The following KCNQ2 variants were observed in gnomAD, a reference collection of about 807,000 sequenced individuals.
The protein encoded by KCNQ2 is potassium voltage-gated channel subfamily KQT member 2.
In KCNQ2, 14 loss-of-function variants were observed where a neutral mutation model predicts 84.8. The ratio of observed to expected loss-of-function variants is 0.17; its 90% CI spans 0.11 to 0.26. KCNQ2 has a LOEUF of 0.26. Ranked by LOEUF, KCNQ2 falls within the 10% of genes least tolerant of loss-of-function variation. The pLI, the probability that KCNQ2 is intolerant of heterozygous loss-of-function variation, is 1.00. For missense variants in KCNQ2, 788 were observed against 1,254.0 expected (o/e 0.63, Z 5.61); for synonymous variants, 599 against 554.1 (o/e 1.08, Z -1.14).
At chr20:63,457,226 G>A (rs114937780) in intron 1 of KCNQ2, among the ~76,000 whole-genome samples, 1,555 of 152,364 alleles carry the variant, frequency 0.01, 24 homozygotes, top group African/African-American at 0.036. Context: ...GAGACCTCTC[G>A]CGTGGAGCCG....
At position 63,408,403 on chromosome 20, in the gene KCNQ2, C is replaced by A. The variant is rs1422499897; in HGVS notation, c.1887+10G>T. 33 of 1,606,852 alleles carry A rather than the reference C, an allele frequency of 2.1e-5. No individual in the cohort carries two copies. The highest frequency in any genetic ancestry group is 2.7e-5 in the African/African-American group (2 of 74,876). On this transcript the variant is annotated intron_variant, in intron 16 of 16. Coordinates refer to ENST00000359125, the MANE Select transcript of KCNQ2 (RefSeq NM_172107.4). The surrounding 1 kb of genome is among the most constrained non-coding windows in gnomAD (Gnocchi z 5.0). Reference sequence around the variant, plus strand: ...CCAGCCCCGCACCCCTCCCGCCCAGCCTCTCGCACCTGCTTCTCCACCTTC... The same window carrying A: ...CCAGCCCCGCACCCCTCCCGCCCAGACTCTCGCACCTGCTTCTCCACCTTC...
At chr20:63,465,621 T>C (rs2082060329) in intron 1 of KCNQ2, among the ~76,000 whole-genome samples, 1 of 151,388 alleles carries the variant, frequency 6.6e-6, no homozygotes, top group South Asian at 2.1e-4. Context: ...TTCCAGAGAG[T>C]TCCTCGGCGA....
At position 63,457,984 on chromosome 20, in the gene KCNQ2, C is replaced by A. The variant is rs1189303896; in HGVS notation, c.297-11147G>T. ...GGGCTCATTTGTTCTCCATTAGTCA[C>A]CTGTCCCACCCAGACCACAGGTGCT... On this transcript the variant is annotated intron_variant, in intron 1 of 16. Coordinates refer to ENST00000359125, the MANE Select transcript of KCNQ2 (RefSeq NM_172107.4). Among the ~76,000 whole-genome samples the A allele has an allele frequency of 2.6e-5, 4 of 152,150 alleles. No individual in the cohort carries two copies. The East Asian group carries it at 7.7e-4, about 29-fold the overall frequency.
chr20:63,440,400 C>T (rs1424714987), intron 5 of KCNQ2, among the ~76,000 whole-genome samples: 1 of 152,134 alleles, frequency 6.6e-6, no homozygotes, highest in African/African-American at 2.4e-5. Flanking sequence ...GTGCCGGGGC[C>T]GAGGAAGGCA....
chr20:63,424,440 G>A, intron 10 of KCNQ2: 1 of 589,032 alleles, frequency 1.7e-6, no homozygotes, highest in Non-Finnish European at 3.0e-6. Context: ...GACTCCATGG[G>A]GCGGGGGCCT....
At chr20:63,442,026 G>A (rs1247393384) in intron 5 of KCNQ2, among the ~76,000 whole-genome samples, 5 of 152,190 alleles carry the variant, frequency 3.3e-5, no homozygotes, top group African/African-American at 1.2e-4. Flanking sequence ...GAGCCACCTA[G>A]TCTCCAAAAA....
rs181232617 is a variant in KCNQ2, at chr20:63,461,669, G to A, written c.296+10499C>T. On this transcript the variant is annotated intron_variant, in intron 1 of 16. Transcript: ENST00000359125. ...ACCTACCCCAGGCAGCAGGGAGGAG[G>A]AGGCTGCACCTACCCCGGGCAGCAG... 2.6e-5 allele frequency among the ~76,000 whole-genome samples: 4 copies of A among 151,812 alleles called. No homozygotes were observed. The South Asian group carries it at 8.3e-4, about 31-fold the overall frequency.
chr20:63,454,465 G>A (rs577475394), intron 1 of KCNQ2, among the ~76,000 whole-genome samples: 5 of 152,356 alleles, frequency 3.3e-5, no homozygotes, highest in African/African-American at 1.2e-4. Flanking sequence ...GTCTGGGCCC[G>A]TCTGGGGGAC....
At chr20:63,442,615 C>A in intron 4 of KCNQ2, 84 bp from the exon 5 acceptor site, 1 of 1,455,822 alleles carries the variant, frequency 6.9e-7, no homozygotes, top group East Asian at 2.3e-5. Flanking sequence ...ACCATCACAT[C>A]AACACCATGA....
At position 63,413,574 on chromosome 20, in the gene KCNQ2, G is replaced by A. The variant is rs796052650; in HGVS notation, c.1639C>T (p.Arg547Trp). ...AACTTCCGCTTGGACACCAGGAACC[G>A]CATGACACTGCAGGGGGGTGGGTGG... ...KVSIRAVCVM[R>W]FLVSKRKFKE... Residue 547 changes from arginine (R) to tryptophan (W), a missense_variant, in exon 15 of 17, where the codon CGG becomes TGG. Physicochemically the swap from Arg to Trp is moderately radical, Grantham distance 101. Coordinates refer to ENST00000359125, the MANE Select transcript of KCNQ2 (RefSeq NM_172107.4). 6.2e-7 allele frequency: 1 copy of A among 1,611,410 alleles called. No individual in the cohort carries two copies. Among genetic ancestry groups the A allele is most frequent in the Non-Finnish European group, 8.5e-7 (1 of 1,178,648 alleles).
chr20:63,462,008 C>T (rs79392395), intron 1 of KCNQ2, among the ~76,000 whole-genome samples: 1 of 129,598 alleles, frequency 7.7e-6, no homozygotes, highest in African/African-American at 3.0e-5. Flanking sequence ...AGGGAGGAGG[C>T]TGCACCTACC....
chr20:63,400,689 C>A lies in KCNQ2; in HGVS notation c.*5955G>T, dbSNP rs2079791080. On this transcript the variant is annotated 3_prime_UTR_variant, in exon 17 of 17. Coordinates refer to ENST00000359125, the MANE Select transcript of KCNQ2 (RefSeq NM_172107.4). The surrounding 1 kb of genome is among the most constrained non-coding windows in gnomAD (Gnocchi z 8.7). ...GTCACGGCCAGAGGATGGCAGACTG[C>A]AATGGCGTGGGGCGCGGGCATGGCG... is the stretch of plus-strand genomic sequence containing the variant. 1 of 398,646 alleles carries A rather than the reference C, an allele frequency of 2.5e-6. No homozygotes were observed. The highest frequency in any genetic ancestry group is 3.6e-5 in the East Asian group (1 of 28,074). The allele number at this position is 398,646 out of a possible 1,614,324, so 24.7% of individuals were successfully genotyped here.
intron 7 of KCNQ2, among the ~76,000 whole-genome samples, chr20:63,437,901 C>T (rs1318138349): frequency 6.6e-6 from 1 of 152,180 alleles, no homozygotes; most frequent in Non-Finnish European, 1.5e-5. Context: ...CCTCCGCCTC[C>T]CTGGTTCAAG....
Position 63,407,765 on chromosome 20 carries a change from C to T in KCNQ2, c.1888-390G>A, listed in dbSNP as rs758844670. On this transcript the variant is annotated intron_variant, in intron 16 of 16. Coordinates refer to ENST00000359125, the MANE Select transcript of KCNQ2 (RefSeq NM_172107.4). This position sits in a 1 kb window ranked among gnomAD's most constrained non-coding sequence, Gnocchi z 7.2. ...ACCTGGGTTGCTCCCTGGAGAGGTA[C>T]AGGGAGGGGGGATCCCTGCTCCCTG... 1.4e-4 allele frequency among the ~76,000 whole-genome samples: 21 copies of T among 150,842 alleles called. No homozygotes were observed. The highest frequency in any genetic ancestry group is 2.4e-4 in the Non-Finnish European group (16 of 67,604).
At chr20:63,451,617 G>A (rs886564285) in intron 1 of KCNQ2, among the ~76,000 whole-genome samples, 3 of 152,182 alleles carry the variant, frequency 2.0e-5, no homozygotes, top group African/African-American at 7.2e-5. Context: ...CTGGGGACTT[G>A]GGCAAGCTCC....
chr20:63,431,405 A>G, intron 8 of KCNQ2, 36 bp from the exon 9 acceptor site: 1 of 1,612,294 alleles, frequency 6.2e-7, no homozygotes, highest in Non-Finnish European at 8.5e-7. Flanking sequence ...AGGGAAAAGA[A>G]CGGAAAATTT....
intron 6 of KCNQ2, 69 bp downstream of exon 6, chr20:63,439,529 C>T: frequency 1.7e-6 from 2 of 1,162,304 alleles, no homozygotes; most frequent in East Asian, 4.7e-5. Context: ...TGCCCAGGGG[C>T]CTGTGGTCAC....
rs1601542044 is a variant in KCNQ2, at chr20:63,406,812, G to A, written c.2451C>T (p.Leu817=). Residue 817 remains leucine, a synonymous_variant, in exon 17 of 17, where the codon CTC becomes CTT. Coordinates refer to ENST00000359125, the MANE Select transcript of KCNQ2 (RefSeq NM_172107.4). ...GCGCCACGGCCGCGTAGCAGCTGTTGAGAGCATCCAGGTTCTCCTTGGACT... is the reference window on the plus strand; with the variant it reads ...GCGCCACGGCCGCGTAGCAGCTGTTAAGAGCATCCAGGTTCTCCTTGGACT... ...ISQSKENLDA[L]NSCYAAVAPC... 1 of 1,612,536 alleles carries A rather than the reference G, an allele frequency of 6.2e-7. No individual in the cohort carries two copies. Among genetic ancestry groups the A allele is most frequent in the African/African-American group, 1.3e-5 (1 of 74,944 alleles).
At chr20:63,454,944 A>G (rs2081733414) in intron 1 of KCNQ2, among the ~76,000 whole-genome samples, 1 of 152,160 alleles carries the variant, frequency 6.6e-6, no homozygotes, top group African/African-American at 2.4e-5. Context: ...GTGTGGGTAC[A>G]GCCCCTCCTG....
Sources: allele counts gnomAD v4.1 joint callset (sites outside exome capture counted in the v4.1 genomes callset), GRCh38; gene constraint gnomAD v4.1.1; non-coding constraint Gnocchi (gnomAD v3.1); transcripts MANE v1.5; gene names NCBI Gene and HGNC (gene_info 2026-07-23, HGNC 2026-07-21).